Variants in ATP8A1 observed in about 807,000 individuals in gnomAD.
The protein encoded by ATP8A1 is phospholipid-transporting ATPase IA.
ATP8A1 carries 90 observed loss-of-function variants against 177.7 expected under a neutral mutation model. The observed-to-expected ratio is 0.51, with a 90% CI of 0.43 to 0.60. The LOEUF (loss-of-function observed/expected upper bound fraction) is 0.60. ATP8A1 is among the 20% of genes least tolerant of loss of function. The pLI is 0.00. For missense variants in ATP8A1, 1,072 were observed against 1,392.8 expected, an observed-to-expected ratio of 0.77 and a Z score of 3.67; for synonymous variants, 493 against 485.9, an observed-to-expected ratio of 1.01 and a Z score of -0.19.
Position 42,498,121 on chromosome 4 carries a change from A to G in ATP8A1, c.2151+5329T>C, listed in dbSNP as rs527949293. On this transcript the variant is annotated intron_variant, in intron 24 of 36. Transcript: ENST00000381668. ...TTGCCTAAACTATTTTCAAAGCAATACAAAATATATTGTATGAGACTCATG... is the reference window on the plus strand; with the variant it reads ...TTGCCTAAACTATTTTCAAAGCAATGCAAAATATATTGTATGAGACTCATG... Among the ~76,000 whole-genome samples, 3 of 152,362 alleles carry G rather than the reference A, an allele frequency of 2.0e-5. No homozygotes were observed. In the East Asian group the frequency reaches 5.8e-4, roughly 29 times the overall value.
chr4:42,423,718 T>C lies in ATP8A1; in HGVS notation c.3124-13A>G, dbSNP rs201419979. On this transcript the variant is annotated splice_polypyrimidine_tract_variant and intron_variant, in intron 33 of 36. Transcript: ENST00000381668. ...ACAACATGGCTGCCTGTGTAAATCG[T>C]CAGAAAAAACATTACTTTAAAACCA... The C allele has an allele frequency of 2.5e-6, 4 of 1,600,360 alleles. No homozygotes were observed. The African/African-American group carries it at 4.0e-5, about 16-fold the overall frequency.
chr4:42,510,916 G>T (rs1376141200), intron 22 of ATP8A1, among the ~76,000 whole-genome samples: 1 of 152,212 alleles, frequency 6.6e-6, no homozygotes, highest in Admixed American at 6.5e-5. Context: ...GGCCAGCAAG[G>T]TATGCTGAGA....
At chr4:42,502,261 A>G (rs1723931925) in intron 24 of ATP8A1, among the ~76,000 whole-genome samples, 1 of 152,178 alleles carries the variant, frequency 6.6e-6, no homozygotes, top group Non-Finnish European at 1.5e-5. Flanking sequence ...CAGGCAGTCC[A>G]AGTACCTTTG....
intron 33 of ATP8A1, among the ~76,000 whole-genome samples, chr4:42,431,015 T>C (rs532408756): frequency 6.6e-5 from 10 of 152,194 alleles, no homozygotes; most frequent in East Asian, 5.8e-4. Flanking sequence ...TGCTGTATAA[T>C]AGACTTATGT....
chr4:42,555,210 G>GC (rs545566513), intron 16 of ATP8A1, among the ~76,000 whole-genome samples: 2,653 of 109,840 alleles, frequency 0.024, 147 homozygotes, highest in African/African-American at 0.082. Context: ...TATTAGTTCT[G>GC]CCCCCCCCTA....
rs554319167 is a variant in ATP8A1, at chr4:42,409,320, T to C, written c.*3596A>G. ...TCAAAATTTAACTTACATTCCACTTTAATAGCTGTTGAAGGTTAATTAAAA... is the reference window on the plus strand; with the variant it reads ...TCAAAATTTAACTTACATTCCACTTCAATAGCTGTTGAAGGTTAATTAAAA... On this transcript the variant is annotated 3_prime_UTR_variant, in exon 37 of 37. Coordinates refer to ENST00000381668, the MANE Select transcript of ATP8A1 (RefSeq NM_006095.2). The C allele has an allele frequency of 1.3e-5, 2 of 152,304 alleles. No homozygotes were observed. The highest frequency in any genetic ancestry group is 2.1e-4 in the South Asian group (1 of 4,832). The allele number at this position is 152,304 out of a possible 1,614,324, so 9.4% of individuals were successfully genotyped here.
At position 42,410,110 on chromosome 4, in the gene ATP8A1, C is replaced by T. The variant is rs1712418675; in HGVS notation, c.*2806G>A. On this transcript the variant is annotated 3_prime_UTR_variant, in exon 37 of 37. Coordinates refer to ENST00000381668, the MANE Select transcript of ATP8A1 (RefSeq NM_006095.2). The stretch of plus-strand genomic sequence containing the variant: ...TATATCATTTAAAATTTACAACGTT[C>T]CTGAGAAACACTGTTTTCCTAATAA... 6.6e-6 allele frequency: 1 copy of T among 152,148 alleles called. No individual in the cohort carries two copies. Among genetic ancestry groups the T allele is most frequent in the African/African-American group, 2.4e-5 (1 of 41,434 alleles). The allele number at this position is 152,148 out of a possible 1,614,324, so 9.4% of individuals were successfully genotyped here.
rs1732734339 is a variant in ATP8A1 at position 42,578,850 on chromosome 4, GTACAT to G, written c.1001-468_1001-464del. ...AGTCCTAGGTAAATTATTCTCCTAG[GTACAT>G]TATACTCTTCTTCCTCAAAATGAAA... On this transcript the variant is annotated intron_variant, in intron 11 of 36. Transcript: ENST00000381668. Among the ~76,000 whole-genome samples the G allele has an allele frequency of 2.6e-5, 4 of 151,986 alleles. No homozygotes were observed. In the South Asian group the frequency reaches 8.3e-4, roughly 32 times the overall value.
At chr4:42,500,375 C>T (rs1000863572) in intron 24 of ATP8A1, among the ~76,000 whole-genome samples, 1 of 108,690 alleles carries the variant, frequency 9.2e-6, no homozygotes, top group East Asian at 2.1e-4. Flanking sequence ...AAAAACAAAA[C>T]AAAACAAAAC....
chr4:42,633,938 G>T (rs1232647232), intron 1 of ATP8A1, among the ~76,000 whole-genome samples: 3 of 152,208 alleles, frequency 2.0e-5, no homozygotes, highest in Non-Finnish European at 4.4e-5. Flanking sequence ...CCCTGGAGGG[G>T]AGAATGAGCT....
chr4:42,512,909 G>A (rs1230514781), intron 22 of ATP8A1, among the ~76,000 whole-genome samples: 1 of 152,106 alleles, frequency 6.6e-6, no homozygotes, highest in Non-Finnish European at 1.5e-5. Flanking sequence ...AAGGACAGAT[G>A]GTGAATACTG....
chr4:42,413,718 T>C (rs1460378590), intron 36 of ATP8A1, among the ~76,000 whole-genome samples: 2 of 152,234 alleles, frequency 1.3e-5, no homozygotes, highest in East Asian at 1.9e-4. Flanking sequence ...TGAATTTTTT[T>C]TTCCCCCTTG....
At chr4:42,598,554 A>ATT (rs1197021413) in intron 6 of ATP8A1, among the ~76,000 whole-genome samples, 1 of 152,142 alleles carries the variant, frequency 6.6e-6, no homozygotes, top group African/African-American at 2.4e-5. Flanking sequence ...TGAGGAAAAT[A>ATT]TAATAATTTC....
intron 25 of ATP8A1, among the ~76,000 whole-genome samples, chr4:42,477,928 A>G (rs977633564): frequency 6.6e-6 from 1 of 152,002 alleles, no homozygotes; most frequent in African/African-American, 2.4e-5. Flanking sequence ...AGCTTCGGTG[A>G]GCTAAGATCA....
At chr4:42,619,621 T>C (rs908244814) in intron 4 of ATP8A1, among the ~76,000 whole-genome samples, 3 of 150,994 alleles carry the variant, frequency 2.0e-5, no homozygotes, top group Non-Finnish European at 4.4e-5. Context: ...CACATATATA[T>C]ATATATATTT....
At chr4:42,612,870 A>G (rs1288318621) in intron 5 of ATP8A1, among the ~76,000 whole-genome samples, 1 of 152,200 alleles carries the variant, frequency 6.6e-6, no homozygotes, top group Non-Finnish European at 1.5e-5. Context: ...GATGCCTCAC[A>G]TAAGGAGAGA....
intron 32 of ATP8A1, among the ~76,000 whole-genome samples, chr4:42,444,320 T>C (rs73235567): frequency 0.064 from 9,747 of 152,282 alleles, 344 homozygotes; most frequent in Non-Finnish European, 0.079. Flanking sequence ...CCTGGGATAC[T>C]CATAATATAT....
At chr4:42,451,124 C>T (rs28752029) in intron 30 of ATP8A1, among the ~76,000 whole-genome samples, 24,954 of 152,026 alleles carry the variant, frequency 0.16, 3,821 homozygotes, top group African/African-American at 0.4. Context: ...GAGGGAAGCA[C>T]CTGGCCTGAT....
chr4:42,463,834 G>A (rs547556506), intron 27 of ATP8A1, among the ~76,000 whole-genome samples: 79 of 152,124 alleles, frequency 5.2e-4, no homozygotes, highest in African/African-American at 1.8e-3. Flanking sequence ...CACCAAACAC[G>A]GAAACAAAAA....
Sources: gnomAD v4.1 joint callset for allele counts (sites outside exome capture counted in the v4.1 genomes callset) on GRCh38, gnomAD v4.1.1 for gene constraint, MANE v1.5 for transcripts, NCBI Gene and HGNC (gene_info 2026-07-23, HGNC 2026-07-21) for gene names.